Variants in DLGAP2 observed in about 807,000 individuals in gnomAD.
The protein encoded by DLGAP2 is disks large-associated protein 2.
DLGAP2 carries 26 observed loss-of-function variants against 100.3 expected under a neutral mutation model. That is an observed-to-expected ratio of 0.26 (90% CI 0.19 to 0.36). DLGAP2 has a LOEUF of 0.36. Ranked by LOEUF, DLGAP2 falls within the 10% of genes least tolerant of loss-of-function variation. The pLI, the probability that DLGAP2 is intolerant of heterozygous loss-of-function variation, is 1.00. For synonymous variants in DLGAP2, 886 were observed against 630.1 expected, an observed-to-expected ratio of 1.41 and a Z score of -6.08; for missense variants, 1,858 against 1,453.2, an observed-to-expected ratio of 1.28 and a Z score of -4.53.
chr8:1,636,616 A>T (rs1482458154), intron 8 of DLGAP2, among the ~76,000 whole-genome samples: 1 of 152,212 alleles, frequency 6.6e-6, no homozygotes, highest in African/African-American at 2.4e-5. Flanking sequence ...GTCTTTTACA[A>T]TAAAAGACAG....
intron 2 of DLGAP2, among the ~76,000 whole-genome samples, chr8:1,153,180 G>A (rs373759179): frequency 3.9e-5 from 6 of 152,032 alleles, no homozygotes; most frequent in South Asian, 2.1e-4. Context: ...TCCAGGCTCC[G>A]AGCGGTGTGG....
At chr8:1,598,475 C>T (rs901323632) in intron 6 of DLGAP2, among the ~76,000 whole-genome samples, 1 of 152,172 alleles carries the variant, frequency 6.6e-6, no homozygotes, top group East Asian at 1.9e-4. Context: ...TAGAATTTGG[C>T]TGTGAATCCA....
In DLGAP2 at chr8:965,424, A is replaced by G. The variant is rs1388538287; in HGVS notation, c.73+57458A>G. Among the ~76,000 whole-genome samples the G allele has an allele frequency of 2.3e-4, 12 of 53,028 alleles. 1 individual carries two copies. Among genetic ancestry groups the G allele is most frequent in the African/African-American group, 3.4e-4 (4 of 11,846 alleles). The allele number at this position is 53,028 out of a possible 152,430, so 34.8% of individuals were successfully genotyped here. Reference sequence around the variant, plus strand: ...CGCGGCTCCAGAGCCCGACCCCCGCATGCACACAGCGCTGTTCACCACACA... The same window carrying G: ...CGCGGCTCCAGAGCCCGACCCCCGCGTGCACACAGCGCTGTTCACCACACA... On this transcript the variant is annotated intron_variant, in intron 2 of 14. Coordinates refer to ENST00000637795, the MANE Select transcript of DLGAP2 (RefSeq NM_001346810.2).
intron 4 of DLGAP2, among the ~76,000 whole-genome samples, chr8:1,511,676 A>G (rs1195163264): frequency 6.6e-6 from 1 of 151,610 alleles, no homozygotes; most frequent in Non-Finnish European, 1.5e-5. Flanking sequence ...TGTCTAGTGT[A>G]GGACAATCAA....
intron 3 of DLGAP2, among the ~76,000 whole-genome samples, chr8:1,449,487 C>A (rs1028499378): frequency 1.4e-4 from 22 of 152,170 alleles, no homozygotes; most frequent in African/African-American, 3.1e-4. Context: ...CACCAGCGGG[C>A]ATGGACCTGG....
At chr8:1,278,381 C>A (rs542512126) in intron 3 of DLGAP2, among the ~76,000 whole-genome samples, 4 of 152,166 alleles carry the variant, frequency 2.6e-5, no homozygotes, top group African/African-American at 9.7e-5. Flanking sequence ...TCGGCGCAGT[C>A]GTGAGCCTGG....
rs138049705 is a variant in DLGAP2, at chr8:1,222,779, G to T, written c.74-36072G>T. On this transcript the variant is annotated intron_variant, in intron 2 of 14. Transcript: ENST00000637795. ...GAGGGCTGGGGCTGTGGCCACTGAT[G>T]AGAGCCTTGGCAGCTGTTGCTGTGC... 6.6e-3 allele frequency among the ~76,000 whole-genome samples: 1,006 copies of T among 152,224 alleles called. 10 individuals carry two copies. Among genetic ancestry groups the T allele is most frequent in the Middle Eastern group, 0.031 (9 of 294 alleles).
chr8:920,905 C>G (rs1798699684), intron 2 of DLGAP2, among the ~76,000 whole-genome samples: 1 of 152,216 alleles, frequency 6.6e-6, no homozygotes, highest in Non-Finnish European at 1.5e-5. Context: ...ATGCTGAGCA[C>G]TTGGCAGGAT....
rs759716402 is a variant in DLGAP2 at position 1,088,533 on chromosome 8, A to G, written c.74-170318A>G. Among the ~76,000 whole-genome samples, 18 of 152,140 alleles carry G rather than the reference A, an allele frequency of 1.2e-4. 1 individual carries two copies. The highest frequency in any genetic ancestry group is 2.9e-4 in the African/African-American group (12 of 41,416). The stretch of plus-strand genomic sequence containing the variant: ...CCTTGAGATGGGATAAAGCTGTCAA[A>G]TCTCTGACATGTGGTGCATCATCAG... On this transcript the variant is annotated intron_variant, in intron 2 of 14. Transcript: ENST00000637795.
chr8:1,655,818 A>C, intron 8 of DLGAP2, among the ~76,000 whole-genome samples: 1 of 152,212 alleles, frequency 6.6e-6, no homozygotes, highest in Non-Finnish European at 1.5e-5. Context: ...GCTGTGTTAG[A>C]ACACTCAGGG....
intron 2 of DLGAP2, among the ~76,000 whole-genome samples, chr8:1,168,047 A>G (rs1451559424): frequency 6.0e-5 from 6 of 99,236 alleles, no homozygotes; most frequent in African/African-American, 2.0e-4. Flanking sequence ...CCACCCCACA[A>G]CAGTCCCCAG....
intron 1 of DLGAP2, among the ~76,000 whole-genome samples, chr8:787,288 A>G (rs1230991894): frequency 6.6e-6 from 1 of 152,006 alleles, no homozygotes; most frequent in African/African-American, 2.4e-5. Context: ...GTTCTCTCAC[A>G]TTTGCCTGTC....
At chr8:1,500,450 G>A (rs1799683083) in intron 3 of DLGAP2, among the ~76,000 whole-genome samples, 1 of 152,020 alleles carries the variant, frequency 6.6e-6, no homozygotes. Context: ...TGGAGAGTCG[G>A]CACCTGGTTT....
At chr8:821,852 T>C (rs150712320) in intron 1 of DLGAP2, among the ~76,000 whole-genome samples, 93 of 152,386 alleles carry the variant, frequency 6.1e-4, no homozygotes, top group African/African-American at 2.1e-3. Context: ...GTAGTTTCCA[T>C]GTTCATACAT....
At chr8:1,182,092 T>C (rs1392747023) in intron 2 of DLGAP2, among the ~76,000 whole-genome samples, 1 of 152,208 alleles carries the variant, frequency 6.6e-6, no homozygotes, top group Admixed American at 6.5e-5. Context: ...GCTAAGGAGC[T>C]GATCTTCAGC....
At chr8:776,482 G>T (rs913914450) in intron 1 of DLGAP2, among the ~76,000 whole-genome samples, 1 of 152,128 alleles carries the variant, frequency 6.6e-6, no homozygotes, top group African/African-American at 2.4e-5. Context: ...TCTCTTGTGG[G>T]CATTTAGTGC....
chr8:1,363,431 C>T (rs1802031544), intron 3 of DLGAP2, among the ~76,000 whole-genome samples: 1 of 152,200 alleles, frequency 6.6e-6, no homozygotes, highest in Admixed American at 6.5e-5. Context: ...AGGACAGAGG[C>T]ACCTGTAAGC....
At chr8:1,267,616 G>GAAA (rs1799490419) in intron 3 of DLGAP2, among the ~76,000 whole-genome samples, 1 of 99,308 alleles carries the variant, frequency 1.0e-5, no homozygotes, top group Admixed American at 1.0e-4. Flanking sequence ...GATAAGATAA[G>GAAA]ATAAGATAAA....
chr8:1,653,336 A>T (rs908284866), intron 8 of DLGAP2, among the ~76,000 whole-genome samples: 1 of 152,166 alleles, frequency 6.6e-6, no homozygotes, highest in Non-Finnish European at 1.5e-5. Context: ...CACCCCGCTC[A>T]CGGGGAGGCT....
Sources: allele counts gnomAD v4.1 joint callset (sites outside exome capture counted in the v4.1 genomes callset), GRCh38; gene constraint gnomAD v4.1.1; transcripts MANE v1.5; gene names NCBI Gene and HGNC (gene_info 2026-07-23, HGNC 2026-07-21).